Variants in MTA3 observed in about 807,000 individuals in gnomAD.
The protein encoded by MTA3 is metastasis-associated protein MTA3.
MTA3 carries 34 observed loss-of-function variants against 83.5 expected under a neutral mutation model. The observed-to-expected ratio is 0.41, with a 90% CI of 0.31 to 0.54. The LOEUF is 0.54. MTA3 is among the 20% of genes least tolerant of loss of function. The pLI, the probability that MTA3 is intolerant of heterozygous loss-of-function variation, is 0.33. For synonymous variants in MTA3, 303 were observed against 252.7 expected (o/e 1.20, Z -1.89); for missense variants, 761 against 726.4 (o/e 1.05, Z -0.55).
At chr2:42,629,053 A>G (rs1329331700) in intron 4 of MTA3, among the ~76,000 whole-genome samples, 1 of 152,106 alleles carries the variant, frequency 6.6e-6, no homozygotes, top group African/African-American at 2.4e-5. Context: ...GCAACCTGGG[A>G]TCCAAAAGCA....
At chr2:42,646,464 A>G (rs1007277472) in intron 6 of MTA3, among the ~76,000 whole-genome samples, 10 of 152,262 alleles carry the variant, frequency 6.6e-5, no homozygotes, top group African/African-American at 2.4e-4. Flanking sequence ...TCTAGATGCC[A>G]GTAACAACAA....
intron 2 of MTA3, among the ~76,000 whole-genome samples, chr2:42,548,978 C>G (rs1300457584): frequency 4.8e-4 from 63 of 130,300 alleles, no homozygotes; most frequent in Non-Finnish European, 8.6e-4. Context: ...AGATCAAGAC[C>G]AGCGTGACCA....
At chr2:42,728,172 CAAGT>C (rs1667959957) in intron 16 of MTA3, among the ~76,000 whole-genome samples, 1 of 152,104 alleles carries the variant, frequency 6.6e-6, no homozygotes, top group Non-Finnish European at 1.5e-5. Flanking sequence ...ATTTTTAGTA[CAAGT>C]AAGTGAGAAT....
intron 4 of MTA3, among the ~76,000 whole-genome samples, chr2:42,620,180 G>A (rs1373601238): frequency 2.0e-5 from 3 of 149,266 alleles, no homozygotes; most frequent in African/African-American, 2.5e-5. Flanking sequence ...GTGCAATGGC[G>A]TGATCTTGGC....
intron 9 of MTA3, among the ~76,000 whole-genome samples, chr2:42,695,469 T>C (rs1693297863): frequency 6.6e-6 from 1 of 151,676 alleles, no homozygotes; most frequent in Non-Finnish European, 1.5e-5. Context: ...ACCTTGTCTC[T>C]ACTAAAAATA....
At chr2:42,533,901 TTC>T (rs1264653931) in intron 2 of MTA3, among the ~76,000 whole-genome samples, 4 of 152,088 alleles carry the variant, frequency 2.6e-5, no homozygotes, top group African/African-American at 9.7e-5. Flanking sequence ...GCAGCCGATT[TTC>T]TCTCTTTCTT....
At chr2:42,669,587 C>T (rs989948996) in intron 8 of MTA3, among the ~76,000 whole-genome samples, 6 of 152,148 alleles carry the variant, frequency 3.9e-5, no homozygotes, top group Non-Finnish European at 7.4e-5. Flanking sequence ...ATAGGAAACA[C>T]GAAATTTTTC....
intron 5 of MTA3, among the ~76,000 whole-genome samples, chr2:42,641,276 T>C (rs1384419039): frequency 6.7e-6 from 1 of 149,952 alleles, no homozygotes; most frequent in Non-Finnish European, 1.5e-5. Context: ...GAAGAAAATA[T>C]AACAGAAAAA....
intron 16 of MTA3, among the ~76,000 whole-genome samples, chr2:42,747,061 G>T (rs926445990): frequency 1.3e-5 from 2 of 151,972 alleles, no homozygotes; most frequent in Admixed American, 6.6e-5. Flanking sequence ...GAGTGCGGTG[G>T]TGTGATCTCA....
chr2:42,679,037 A>AG (rs1165762536), intron 8 of MTA3, among the ~76,000 whole-genome samples: 1 of 152,178 alleles, frequency 6.6e-6, no homozygotes, highest in Non-Finnish European at 1.5e-5. Context: ...AGTGAGTCTC[A>AG]GAGCAGTTAA....
At chr2:42,675,082 C>G (rs987462169) in intron 8 of MTA3, among the ~76,000 whole-genome samples, 2 of 151,972 alleles carry the variant, frequency 1.3e-5, no homozygotes, top group African/African-American at 2.4e-5. Context: ...GCCAATGTAC[C>G]TGGCCAACTT....
At chr2:42,536,965 A>C (rs1359795536) in intron 2 of MTA3, among the ~76,000 whole-genome samples, 1 of 152,034 alleles carries the variant, frequency 6.6e-6, no homozygotes, top group East Asian at 1.9e-4. Flanking sequence ...AAGGTTTTCT[A>C]AAAGGGAATA....
chr2:42,592,865 A>G lies in MTA3; in HGVS notation c.190+13665A>G, dbSNP rs535756950. Among the ~76,000 whole-genome samples the G allele has an allele frequency of 8.3e-4, 127 of 152,178 alleles. 2 individuals carry two copies. Among genetic ancestry groups the G allele is most frequent in the African/African-American group, 2.9e-3 (121 of 41,538 alleles). ...TAGAAAGAATACACTCTAAGACAAC[A>G]ATAGGCCAGGTGCGGTGGCTCACGC... On this transcript the variant is annotated intron_variant, in intron 3 of 16. Coordinates refer to ENST00000405094, the MANE Select transcript of MTA3 (RefSeq NM_001330442.2).
chr2:42,653,849 C>T (rs1238320913), intron 6 of MTA3, among the ~76,000 whole-genome samples: 2 of 152,192 alleles, frequency 1.3e-5, no homozygotes, highest in Non-Finnish European at 2.9e-5. Flanking sequence ...GACTGAATAG[C>T]AACATCATTT....
At chr2:42,679,836 T>A (rs1384616422) in intron 8 of MTA3, among the ~76,000 whole-genome samples, 1 of 147,248 alleles carries the variant, frequency 6.8e-6, no homozygotes, top group Non-Finnish European at 1.5e-5. Context: ...GATGGCTGTG[T>A]GTTGTTTTTT....
At chr2:42,568,886 GT>G in intron 1 of MTA3, 113 bp downstream of exon 1, 1 of 1,050,582 alleles carries the variant, frequency 9.5e-7, no homozygotes, top group Non-Finnish European at 1.2e-6. Context: ...TGAGGTCGCA[GT>G]GGGCTGGGGC....
At chr2:42,658,453 C>G (rs767718924) in intron 7 of MTA3, among the ~76,000 whole-genome samples, 4 of 152,156 alleles carry the variant, frequency 2.6e-5, no homozygotes, top group Non-Finnish European at 5.9e-5. Flanking sequence ...GATGAGACGT[C>G]GTACAACGGA....
chr2:42,755,390 C>T lies in MTA3; in HGVS notation c.*1991C>T. On this transcript the variant is annotated 3_prime_UTR_variant, in exon 17 of 17. Transcript: ENST00000405094. ...CACCCAGGCCCAAGAGATTTGGAGACAGGAGTCAGGCCAGGTCTGAAGCAG... is the reference window on the plus strand; with the variant it reads ...CACCCAGGCCCAAGAGATTTGGAGATAGGAGTCAGGCCAGGTCTGAAGCAG... 2 of 985,466 alleles carry T rather than the reference C, an allele frequency of 2.0e-6. No individual in the cohort carries two copies. The highest frequency in any genetic ancestry group is 1.7e-5 in the African/African-American group (1 of 57,356). 61.0% of individuals were successfully genotyped at this position (985,466 alleles called of 1,614,324 possible).
At chr2:42,584,564 G>A (rs1396286456) in intron 3 of MTA3, among the ~76,000 whole-genome samples, 1 of 149,126 alleles carries the variant, frequency 6.7e-6, no homozygotes, top group African/African-American at 2.5e-5. Flanking sequence ...TTTTTGGGAT[G>A]GAGTCTAGCT....
Sources: gnomAD v4.1 joint callset for allele counts (sites outside exome capture counted in the v4.1 genomes callset) on GRCh38, gnomAD v4.1.1 for gene constraint, MANE v1.5 for transcripts, NCBI Gene and HGNC (gene_info 2026-07-23, HGNC 2026-07-21) for gene names.